The following MACROD2 variants were observed in gnomAD, a reference collection of about 807,000 sequenced individuals.
MACROD2 encodes mono-ADP ribosylhydrolase 2.
In MACROD2, 36 loss-of-function variants were observed where a neutral mutation model predicts 70.4. That is an observed-to-expected ratio of 0.51 (90% confidence interval 0.39 to 0.68). The LOEUF (loss-of-function observed/expected upper bound fraction) is 0.68, where lower values mean the gene tolerates loss of function less well. MACROD2 is among the 30% of genes least tolerant of loss of function. The probability of loss-of-function intolerance (pLI) is 0.00; values close to 1 mark genes in which losing one functional copy is unlikely to be tolerated. For missense variants in MACROD2, 496 were observed against 538.4 expected, an observed-to-expected ratio of 0.92 and a Z score of 0.78; for synonymous variants, 172 against 178.8, an observed-to-expected ratio of 0.96 and a Z score of 0.30.
At chr20:15,513,339 G>A (rs1420239610) in intron 8 of MACROD2, among the ~76,000 whole-genome samples, 2 of 152,174 alleles carry the variant, frequency 1.3e-5, no homozygotes, top group African/African-American at 4.8e-5. Flanking sequence ...GATGATAAAT[G>A]TATTCTCTGA....
At chr20:15,026,584 C>T (rs2075233527) in intron 5 of MACROD2, among the ~76,000 whole-genome samples, 1 of 151,872 alleles carries the variant, frequency 6.6e-6, no homozygotes, top group Admixed American at 6.6e-5. Flanking sequence ...GCTTAGTTAA[C>T]TCATATGACT....
chr20:14,244,502 G>C (rs551159066), intron 3 of MACROD2, among the ~76,000 whole-genome samples: 19 of 152,182 alleles, frequency 1.2e-4, no homozygotes, highest in Non-Finnish European at 2.2e-4. Flanking sequence ...GTGGTGTCCA[G>C]GCTGCATGTT....
chr20:15,266,217 C>CGG (rs1235080456), intron 6 of MACROD2, among the ~76,000 whole-genome samples: 3 of 152,148 alleles, frequency 2.0e-5, no homozygotes, highest in African/African-American at 7.2e-5. Context: ...CACAGTACTA[C>CGG]ATGTTCATGT....
intron 4 of MACROD2, among the ~76,000 whole-genome samples, chr20:14,545,169 G>T (rs576821869): frequency 1.6e-4 from 24 of 152,278 alleles, no homozygotes; most frequent in African/African-American, 5.3e-4. Flanking sequence ...TGTGGTCTCT[G>T]CCCACTCATA....
chr20:14,877,071 C>A (rs2073559139), intron 5 of MACROD2, among the ~76,000 whole-genome samples: 1 of 152,046 alleles, frequency 6.6e-6, no homozygotes. Context: ...AGGATATATA[C>A]TCTTCCAATC....
intron 5 of MACROD2, among the ~76,000 whole-genome samples, chr20:14,904,018 A>G (rs757142564): frequency 3.3e-5 from 5 of 152,210 alleles, no homozygotes; most frequent in Non-Finnish European, 5.9e-5. Flanking sequence ...GAAGGGAAAT[A>G]GAGATTTTAG....
intron 3 of MACROD2, among the ~76,000 whole-genome samples, chr20:14,443,468 T>A (rs1197782639): frequency 1.3e-5 from 2 of 151,802 alleles, no homozygotes; most frequent in African/African-American, 4.9e-5. Context: ...GTCTGACTTT[T>A]GTATTTTTAG....
chr20:14,880,927 C>T (rs892263627), intron 5 of MACROD2, among the ~76,000 whole-genome samples: 4 of 152,122 alleles, frequency 2.6e-5, no homozygotes, highest in Non-Finnish European at 5.9e-5. Context: ...GCTGCAATCA[C>T]AGTGCCCCTA....
At chr20:15,482,541 C>T (rs1266670052) in intron 7 of MACROD2, among the ~76,000 whole-genome samples, 1 of 152,208 alleles carries the variant, frequency 6.6e-6, no homozygotes, top group Non-Finnish European at 1.5e-5. Flanking sequence ...GATCTACTGT[C>T]TCTAACCCTT....
intron 8 of MACROD2, among the ~76,000 whole-genome samples, chr20:15,796,690 A>G (rs371312584): frequency 7.2e-5 from 11 of 152,272 alleles, no homozygotes; most frequent in Admixed American, 3.9e-4. Flanking sequence ...GCTCAATAAT[A>G]CTTAGAATTA....
At chr20:15,697,709 G>C (rs193190090) in intron 8 of MACROD2, among the ~76,000 whole-genome samples, 1 of 152,240 alleles carries the variant, frequency 6.6e-6, no homozygotes, top group African/African-American at 2.4e-5. Flanking sequence ...AGGTCTATTA[G>C]TAATCGTTTT....
At chr20:14,138,151 G>T (rs541437481) in intron 3 of MACROD2, among the ~76,000 whole-genome samples, 1 of 152,168 alleles carries the variant, frequency 6.6e-6, no homozygotes, top group African/African-American at 2.4e-5. Context: ...ATACATTGTT[G>T]TTGGGAATGT....
intron 3 of MACROD2, among the ~76,000 whole-genome samples, chr20:14,461,749 T>C (rs1381864932): frequency 1.3e-5 from 2 of 148,536 alleles, no homozygotes; most frequent in Non-Finnish European, 3.0e-5. Flanking sequence ...AGTGAGAACA[T>C]GTGGTGTCTG....
At chr20:14,044,070 G>A (rs931783483) in intron 2 of MACROD2, among the ~76,000 whole-genome samples, 4 of 152,208 alleles carry the variant, frequency 2.6e-5, no homozygotes, top group Non-Finnish European at 4.4e-5. Flanking sequence ...TGAAGCCACA[G>A]ACCCTCGCGG....
intron 3 of MACROD2, among the ~76,000 whole-genome samples, chr20:14,130,802 T>C (rs745659063): frequency 9.9e-5 from 15 of 152,158 alleles, no homozygotes; most frequent in Non-Finnish European, 1.9e-4. Flanking sequence ...TTTTTGGAGA[T>C]AAATTATGAA....
intron 6 of MACROD2, among the ~76,000 whole-genome samples, chr20:15,234,009 A>ATATTTTTTTT (rs1555795277): frequency 1.0e-4 from 4 of 39,992 alleles, no homozygotes; most frequent in Non-Finnish European, 1.4e-4. Flanking sequence ...ATATATATAT[A>ATATTTTTTTT]TTCTTTTTTT....
chr20:15,704,528 C>A (rs1416259772), intron 8 of MACROD2, among the ~76,000 whole-genome samples: 1 of 151,998 alleles, frequency 6.6e-6, no homozygotes, highest in South Asian at 2.1e-4. Flanking sequence ...CAGTGTCTAC[C>A]AGAGCAGTAC....
chr20:14,671,456 A>G (rs1191000897), intron 4 of MACROD2, among the ~76,000 whole-genome samples: 2 of 152,126 alleles, frequency 1.3e-5, no homozygotes, highest in African/African-American at 4.8e-5. Context: ...TGCTATTTCA[A>G]GTTCAGAAAG....
At chr20:14,264,605 T>G (rs2082128218) in intron 3 of MACROD2, among the ~76,000 whole-genome samples, 1 of 152,178 alleles carries the variant, frequency 6.6e-6, no homozygotes, top group Non-Finnish European at 1.5e-5. Flanking sequence ...GATATGTGTC[T>G]CTAAGAGCAG....
Sources: gnomAD v4.1 joint callset for allele counts (sites outside exome capture counted in the v4.1 genomes callset) on GRCh38, gnomAD v4.1.1 for gene constraint, MANE v1.5 for transcripts, NCBI Gene and HGNC (gene_info 2026-07-23, HGNC 2026-07-21) for gene names.